Variants in NUP98 observed in about 807,000 individuals in gnomAD.
NUP98 encodes nucleoporin 98 and 96 precursor.
In NUP98, 26 loss-of-function variants were observed where a neutral mutation model predicts 191.9. The ratio of observed to expected loss-of-function variants is 0.14; its 90% CI spans 0.10 to 0.19. NUP98 has a LOEUF of 0.19. Ranked by LOEUF, NUP98 falls within the 10% of genes least tolerant of loss-of-function variation. The pLI is 1.00. For synonymous variants in NUP98, 808 were observed against 778.4 expected, an observed-to-expected ratio of 1.04 and a Z score of -0.63; for missense variants, 1,941 against 2,178.8, an observed-to-expected ratio of 0.89 and a Z score of 2.17.
chr11:3,739,740 A>G (rs755286512), intron 12 of NUP98, among the ~76,000 whole-genome samples: 1 of 152,200 alleles, frequency 6.6e-6, no homozygotes, highest in Non-Finnish European at 1.5e-5. Flanking sequence ...TTTCTAGGGG[A>G]AAGATGTGGA....
At chr11:3,763,122 AT>A (rs1589909574) in intron 8 of NUP98, 83 bp from the exon 9 acceptor site, 2 of 1,359,074 alleles carry the variant, frequency 1.5e-6, no homozygotes, top group African/African-American at 1.5e-5. Flanking sequence ...AAAAGTTACC[AT>A]TTTTTCAAGC....
At position 3,708,783 on chromosome 11, in the gene NUP98, C is replaced by A. The variant is rs141315057; in HGVS notation, c.2743-2156G>T. 4.8e-3 allele frequency among the ~76,000 whole-genome samples: 729 copies of A among 151,038 alleles called. 10 individuals carry two copies. The highest frequency in any genetic ancestry group is 0.016 in the African/African-American group (673 of 41,122). On this transcript the variant is annotated intron_variant, in intron 20 of 32. Coordinates refer to ENST00000324932, the MANE Select transcript of NUP98 (RefSeq NM_016320.5). ...CTGAGGAAAGGGAAGAGAAAGCCTACTGGGAGGTCGATGGAAAAGAACGGC... is the reference window on the plus strand; with the variant it reads ...CTGAGGAAAGGGAAGAGAAAGCCTAATGGGAGGTCGATGGAAAAGAACGGC...
At chr11:3,722,476 T>A (rs146922125) in intron 16 of NUP98, among the ~76,000 whole-genome samples, 1,782 of 151,864 alleles carry the variant, frequency 0.012, 24 homozygotes, top group Middle Eastern at 0.02. Context: ...TATATATATA[T>A]AATGGCAATA....
chr11:3,717,030 G>T (rs890011123), intron 18 of NUP98, among the ~76,000 whole-genome samples: 1 of 152,062 alleles, frequency 6.6e-6, no homozygotes. Context: ...TTGACACGTG[G>T]TCTCGCTTTG....
chr11:3,726,524 T>C (rs61879983), intron 14 of NUP98, among the ~76,000 whole-genome samples: 1 of 139,528 alleles, frequency 7.2e-6, no homozygotes. Flanking sequence ...GCCACTGACA[T>C]TAAAAAAAAA....
chr11:3,680,288 G>C (rs1372911281), intron 30 of NUP98, among the ~76,000 whole-genome samples: 1 of 152,166 alleles, frequency 6.6e-6, no homozygotes, highest in Non-Finnish European at 1.5e-5. Context: ...TCTTCACCAG[G>C]AGTAGATTCC....
At position 3,676,505 on chromosome 11, in the gene NUP98, T is replaced by G. The variant is rs768618749; in HGVS notation, c.5185+4A>C. 1.9e-6 allele frequency: 3 copies of G among 1,612,908 alleles called. No homozygotes were observed. In the South Asian group the frequency reaches 3.3e-5, roughly 18 times the overall value. The stretch of plus-strand genomic sequence containing the variant: ...CAGAAAGAGTGAGGAGGTTAGAGGC[T>G]TACCTGACTGAGCCAGGCGATCTTT... On this transcript the variant is annotated splice_donor_region_variant and intron_variant, in intron 32 of 32. Coordinates refer to ENST00000324932, the MANE Select transcript of NUP98 (RefSeq NM_016320.5).
At chr11:3,781,491 TTAA>T (rs1252672072) in intron 2 of NUP98, 1 of 35,312 alleles carries the variant, frequency 2.8e-5, no homozygotes, top group Non-Finnish European at 5.5e-5. Flanking sequence ...CTTTCTGGTT[TTAA>T]AAAAAAAAAA....
At position 3,779,142 on chromosome 11, in the gene NUP98, A is replaced by C. The variant is rs1220967382; in HGVS notation, c.178+14T>G. The C allele has an allele frequency of 6.2e-7, 1 of 1,613,518 alleles. No individual in the cohort carries two copies. The highest frequency in any genetic ancestry group is 2.2e-5 in the East Asian group (1 of 44,880). On this transcript the variant is annotated intron_variant, in intron 3 of 32. Transcript: ENST00000324932. ...CTACAAACAAACCAGTTATATCACA[A>C]ATAAAGCCCCTACCTGGTTTAGTCT...
chr11:3,680,182 C>A (rs755015931), intron 30 of NUP98, among the ~76,000 whole-genome samples: 1 of 152,126 alleles, frequency 6.6e-6, no homozygotes, highest in African/African-American at 2.4e-5. Context: ...AATAAGATAA[C>A]TGAAGTCAGT....
intron 14 of NUP98, among the ~76,000 whole-genome samples, chr11:3,728,000 G>A (rs898030801): frequency 6.6e-6 from 1 of 151,956 alleles, no homozygotes; most frequent in Non-Finnish European, 1.5e-5. Flanking sequence ...CAGCCTGGGT[G>A]ACAGAGTAAG....
intron 13 of NUP98, among the ~76,000 whole-genome samples, chr11:3,732,614 G>C (rs927780263): frequency 6.6e-6 from 1 of 152,150 alleles, no homozygotes; most frequent in East Asian, 1.9e-4. Flanking sequence ...GTCAAACTCT[G>C]GGTACCAGAA....
intron 12 of NUP98, among the ~76,000 whole-genome samples, chr11:3,737,250 G>A (rs746658005): frequency 2.6e-5 from 4 of 151,106 alleles, no homozygotes; most frequent in African/African-American, 9.7e-5. Context: ...CACAGTAAAG[G>A]AGTGACATAA....
chr11:3,797,507 C>T lies in NUP98; in HGVS notation c.-136G>A. The T allele has an allele frequency of 2.2e-6, 1 of 445,190 alleles. No individual in the cohort carries two copies. The highest frequency in any genetic ancestry group is 3.9e-6 in the Non-Finnish European group (1 of 253,620). 27.6% of individuals were successfully genotyped at this position (445,190 alleles called of 1,614,324 possible). On this transcript the variant is annotated 5_prime_UTR_variant, in exon 1 of 33. Transcript: ENST00000324932. Reference sequence around the variant, plus strand: ...ACCGTCGCCGCCGCCGCTACCACCCCTGCCACCGACCGCCGCTTCGGGCGC... The same window carrying T: ...ACCGTCGCCGCCGCCGCTACCACCCTTGCCACCGACCGCCGCTTCGGGCGC...
In NUP98 at chr11:3,705,191, A is replaced by G; in HGVS notation, c.3082+9T>C. On this transcript the variant is annotated intron_variant, in intron 22 of 32. Coordinates refer to ENST00000324932, the MANE Select transcript of NUP98 (RefSeq NM_016320.5). ...GCTTTCTTGTAAAATAGCATCTTTTATACTGTACCTAGTGAACGAGTTTTC... is the reference window on the plus strand; with the variant it reads ...GCTTTCTTGTAAAATAGCATCTTTTGTACTGTACCTAGTGAACGAGTTTTC... The G allele has an allele frequency of 1.2e-6, 2 of 1,613,894 alleles. No homozygotes were observed. The highest frequency in any genetic ancestry group is 1.7e-6 in the Non-Finnish European group (2 of 1,179,744).
intron 10 of NUP98, among the ~76,000 whole-genome samples, chr11:3,757,103 A>C (rs112965985): frequency 0.023 from 3,245 of 139,606 alleles, 102 homozygotes; most frequent in East Asian, 0.095. Context: ...AAAAATATAT[A>C]TATATATCTA....
intron 12 of NUP98, among the ~76,000 whole-genome samples, chr11:3,743,764 A>C (rs540968263): frequency 6.7e-6 from 1 of 149,138 alleles, no homozygotes; most frequent in Non-Finnish European, 1.5e-5. Context: ...AGTATGAAAA[A>C]CACCTCAGGC....
intron 2 of NUP98, among the ~76,000 whole-genome samples, chr11:3,780,899 G>A (rs1470847750): frequency 6.6e-6 from 1 of 151,964 alleles, no homozygotes; most frequent in Non-Finnish European, 1.5e-5. Flanking sequence ...GGCCAACATG[G>A]TGAAACCCCA....
chr11:3,790,655 C>T (rs886820879), intron 1 of NUP98, among the ~76,000 whole-genome samples: 15 of 152,162 alleles, frequency 9.9e-5, no homozygotes, highest in Non-Finnish European at 1.8e-4. Context: ...TCACTGAATT[C>T]TTCACTGTCA....
Sources: allele counts gnomAD v4.1 joint callset (sites outside exome capture counted in the v4.1 genomes callset), GRCh38; gene constraint gnomAD v4.1.1; transcripts MANE v1.5; gene names NCBI Gene and HGNC (gene_info 2026-07-23, HGNC 2026-07-21).